SEC22C: variants seen among roughly 807,000 people sequenced by gnomAD.
SEC22C encodes the protein SEC22 homolog C, vesicle trafficking protein.
Under a neutral mutation model 34.7 loss-of-function variants are expected in SEC22C, and 29 were observed. The ratio of observed to expected loss-of-function variants is 0.84; its 90% CI spans 0.62 to 1.14. SEC22C has a LOEUF of 1.14. Among genes scored for constraint, SEC22C ranks in the 50% most tolerant of loss-of-function variants. SEC22C has a pLI of 0.00. For synonymous variants in SEC22C, 117 were observed against 132.8 expected (o/e 0.88, Z 0.82); for missense variants, 337 against 369.0 (o/e 0.91, Z 0.71).
chr3:42,553,473 T>C, intron 6 of SEC22C, 25 bp from the exon 7 acceptor site: 1 of 1,607,096 alleles, frequency 6.2e-7, no homozygotes, highest in Non-Finnish European at 8.5e-7. Context: ...GAAGAGGAAT[T>C]CCAATCAGAG....
At position 42,561,155 on chromosome 3, in the gene SEC22C, C is replaced by G; in HGVS notation, c.488G>C (p.Gly163Ala). 6.2e-7 allele frequency: 1 copy of G among 1,614,152 alleles called. No homozygotes were observed. The change falls in exon 4 of 7, where the codon GGG becomes GCG. Residue 163 changes from glycine to alanine, a missense_variant. Gly to Ala is a moderately conservative substitution (Grantham distance 60, BLOSUM62 0). Transcript: ENST00000264454. ...LTLEDTDVAN[G>A]VMNGHTPMHL... ...CATCGGTGTGTGACCATTCATCACC[C>G]CATTTGCCACATCTGTGTCCTCCAG...
chr3:42,564,316 G>C (rs1703102267), intron 2 of SEC22C: 2 of 170,164 alleles, frequency 1.2e-5, no homozygotes, highest in Non-Finnish European at 2.5e-5. Flanking sequence ...GGGGTTCTAG[G>C]TCACCTATCT....
intron 1 of SEC22C, chr3:42,594,783 C>G: frequency 3.6e-6 from 1 of 279,636 alleles, no homozygotes; most frequent in Non-Finnish European, 6.8e-6. Flanking sequence ...GTTTGGATAA[C>G]AAAGACATCA....
chr3:42,551,465 C>G lies in SEC22C; in HGVS notation c.*1783G>C, dbSNP rs1702254696. ...CAAGGGATCCTCCTGCCTCAGACTC[C>G]CAAAGTGCTGGGATTACAGGCATGT... On this transcript the variant is annotated 3_prime_UTR_variant, in exon 7 of 7. Transcript: ENST00000264454. The G allele has an allele frequency of 1.7e-6, 1 of 596,222 alleles. No individual in the cohort carries two copies. Among genetic ancestry groups the G allele is most frequent in the Admixed American group, 6.3e-5 (1 of 15,770 alleles). 36.9% of individuals were successfully genotyped at this position (596,222 alleles called of 1,614,324 possible).
intron 1 of SEC22C, among the ~76,000 whole-genome samples, chr3:42,599,459 G>A (rs896527147): frequency 4.0e-5 from 6 of 149,904 alleles, no homozygotes; most frequent in Admixed American, 2.0e-4. Flanking sequence ...TTGGGAGGCC[G>A]AGGCGGGCGG....
At chr3:42,583,121 T>C (rs1388439258), upstream of SEC22C, among the ~76,000 whole-genome samples, 1 of 152,172 alleles carries the variant, frequency 6.6e-6, no homozygotes, top group Non-Finnish European at 1.5e-5. Flanking sequence ...TTATGGACCA[T>C]AGTGGAAAGT....
At position 42,550,134 on chromosome 3, in the gene SEC22C, G is replaced by C; in HGVS notation, c.*3114C>G. ...CGTGGTTGGGAAACCCTTCCTAAGA[G>C]CATGGAGCCACACTCTGGCCTTGAT... On this transcript the variant is annotated 3_prime_UTR_variant, in exon 7 of 7. Transcript: ENST00000264454. The C allele has an allele frequency of 1.0e-6, 1 of 985,478 alleles. No individual in the cohort carries two copies. Among genetic ancestry groups the C allele is most frequent in the Non-Finnish European group, 1.2e-6 (1 of 829,960 alleles). The allele number at this position is 985,478 out of a possible 1,614,324, so 61.0% of individuals were successfully genotyped here. A position where few individuals can be genotyped will look rare whatever the true frequency, so the allele number is the denominator to read the frequency against.
At chr3:42,558,872 G>A (rs1482948680) in intron 4 of SEC22C, among the ~76,000 whole-genome samples, 1 of 152,172 alleles carries the variant, frequency 6.6e-6, no homozygotes, top group Non-Finnish European at 1.5e-5. Flanking sequence ...GTAATTGGTT[G>A]TCAAATGTTT....
chr3:42,553,483 G>A (rs761375183), intron 6 of SEC22C, 35 bp from the exon 7 acceptor site: 6 of 1,602,454 alleles, frequency 3.7e-6, no homozygotes, highest in Middle Eastern at 3.3e-4. Context: ...TCCAATCAGA[G>A]ATAAAATGGC....
intron 1 of SEC22C, among the ~76,000 whole-genome samples, chr3:42,597,931 GTGT>G (rs1705076862): frequency 6.6e-6 from 1 of 152,186 alleles, no homozygotes; most frequent in Non-Finnish European, 1.5e-5. Flanking sequence ...AAAATAACAA[GTGT>G]TGGTGATGAT....
Position 42,563,622 on chromosome 3 carries a change from C to T in SEC22C, c.247G>A (p.Ala83Thr). Residue 83 changes from alanine to threonine, a missense_variant, in exon 3 of 7, where the codon GCC becomes ACC. By Grantham distance (58) the Ala-to-Thr change is moderately conservative. Transcript: ENST00000264454. ...CACAGGGTCTCCAGGAAGCAGAAGGCCATGGCTGCTGGACACTGGCAGGAG... is the reference window on the plus strand; with the variant it reads ...CACAGGGTCTCCAGGAAGCAGAAGGTCATGGCTGCTGGACACTGGCAGGAG... Reference protein sequence around the residue: ...ICSCQCPAAMAFCFLETLWWE... With the variant: ...ICSCQCPAAMTFCFLETLWWE... The T allele has an allele frequency of 6.2e-7, 1 of 1,614,152 alleles. No individual in the cohort carries two copies. Among genetic ancestry groups the T allele is most frequent in the South Asian group, 1.1e-5 (1 of 91,086 alleles).
chr3:42,592,197 TC>T (rs1412803829), intron 1 of SEC22C, among the ~76,000 whole-genome samples: 1 of 152,056 alleles, frequency 6.6e-6, no homozygotes, highest in Non-Finnish European at 1.5e-5. Context: ...CCCATTTTTT[TC>T]TTTTCTTTTT....
chr3:42,548,961 G>A lies in SEC22C; in HGVS notation c.*4287C>T. ...CTCATAACAGCACCCTGGCGGGGGG[G>A]CAGATTGATGTTATCACCATTTACC... On this transcript the variant is annotated 3_prime_UTR_variant, in exon 7 of 7. Transcript: ENST00000264454. 8.7e-7 allele frequency: 1 copy of A among 1,148,878 alleles called. No homozygotes were observed. The highest frequency in any genetic ancestry group is 4.4e-5 in the East Asian group (1 of 22,928). The allele number at this position is 1,148,878 out of a possible 1,614,324, so 71.2% of individuals were successfully genotyped here.
At chr3:42,594,644 C>T in intron 1 of SEC22C, 1 of 658,558 alleles carries the variant, frequency 1.5e-6, no homozygotes, top group Non-Finnish European at 2.6e-6. Flanking sequence ...CTCTGTGGCT[C>T]TTTCGAAACG....
At position 42,552,813 on chromosome 3, in the gene SEC22C, A is replaced by C; in HGVS notation, c.*435T>G. The C allele has an allele frequency of 9.9e-7, 1 of 1,010,478 alleles. No homozygotes were observed. Among genetic ancestry groups the C allele is most frequent in the Non-Finnish European group, 1.2e-6 (1 of 846,342 alleles). 62.6% of individuals were successfully genotyped at this position (1,010,478 alleles called of 1,614,324 possible). ...CATCCTGTACTGACCCTCTGAAAAA[A>C]AAAACTAATCAAGTTATGTTTAGAC... On this transcript the variant is annotated 3_prime_UTR_variant, in exon 7 of 7. Transcript: ENST00000264454.
At position 42,581,954 on chromosome 3, in the gene SEC22C, C is replaced by G. The variant is rs1429274699; in HGVS notation, c.-136G>C. ...CGGCCCAGGTCACCGGCAGCCCAGG[C>G]GCAGGTAGGCCGTGGTGCGCGTGCG... is the stretch of plus-strand genomic sequence containing the variant. On this transcript the variant is annotated 5_prime_UTR_variant, in exon 1 of 7. Coordinates refer to ENST00000264454, the MANE Select transcript of SEC22C (RefSeq NM_032970.4). The G allele has an allele frequency of 6.6e-6, 1 of 152,282 alleles. No individual in the cohort carries two copies. Among genetic ancestry groups the G allele is most frequent in the Non-Finnish European group, 1.5e-5 (1 of 68,168 alleles). The allele number at this position is 152,282 out of a possible 1,614,324, so 9.4% of individuals were successfully genotyped here.
intron 1 of SEC22C, chr3:42,591,601 A>T (rs757970825): frequency 1.2e-5 from 19 of 1,610,996 alleles, no homozygotes; most frequent in Middle Eastern, 1.7e-4. Flanking sequence ...GAGTGCGTGC[A>T]GTAAGTACCC....
chr3:42,561,724 G>A (rs1702927093), intron 3 of SEC22C, among the ~76,000 whole-genome samples: 1 of 152,198 alleles, frequency 6.6e-6, no homozygotes, highest in East Asian at 1.9e-4. Context: ...AAATCAGCCA[G>A]ATTCTGAAAA....
Position 42,550,111 on chromosome 3 carries a change from T to C in SEC22C, c.*3137A>G, listed in dbSNP as rs1192764529. On this transcript the variant is annotated 3_prime_UTR_variant, in exon 7 of 7. Transcript: ENST00000264454. ...GGAAACCTTTTGGGCTCTGGCCCCG[T>C]GGTTGGGAAACCCTTCCTAAGAGCA... is the stretch of plus-strand genomic sequence containing the variant. The C allele has an allele frequency of 1.0e-6, 1 of 985,366 alleles. No individual in the cohort carries two copies. Among genetic ancestry groups the C allele is most frequent in the Admixed American group, 6.1e-5 (1 of 16,266 alleles). 61.0% of individuals were successfully genotyped at this position (985,366 alleles called of 1,614,324 possible).
Sources: gnomAD v4.1 joint callset for allele counts (sites outside exome capture counted in the v4.1 genomes callset) on GRCh38, gnomAD v4.1.1 for gene constraint, MANE v1.5 for transcripts, NCBI Gene and HGNC (gene_info 2026-07-23, HGNC 2026-07-21) for gene names.